Variants in ARHGAP21 observed in about 807,000 individuals in gnomAD.
ARHGAP21 encodes the protein rho GTPase-activating protein 21.
In ARHGAP21, 38 loss-of-function variants were observed where a neutral mutation model predicts 164.6. The observed-to-expected ratio is 0.23, with a 90% CI of 0.18 to 0.30. The LOEUF is 0.30. ARHGAP21 is among the 10% of genes least tolerant of loss of function. The probability of loss-of-function intolerance (pLI) is 1.00; values close to 1 mark genes in which losing one functional copy is unlikely to be tolerated. For synonymous variants in ARHGAP21, 766 were observed against 857.9 expected (o/e 0.89, Z 1.87); for missense variants, 1,822 against 2,370.7 (o/e 0.77, Z 4.81).
rs1479057569 is a variant in ARHGAP21 at position 24,689,800 on chromosome 10, G to GTA, written c.64-19405_64-19404dup. ...TGTGTGTGTATATATATGTATATAT[G>GTA]TATATGTATGTGTATATATATGTAT... On this transcript the variant is annotated intron_variant, in intron 2 of 25. Coordinates refer to ENST00000396432, the MANE Select transcript of ARHGAP21 (RefSeq NM_020824.4). Among the ~76,000 whole-genome samples, 9 of 149,518 alleles carry GTA rather than the reference G, an allele frequency of 6.0e-5. No individual in the cohort carries two copies. The East Asian group carries it at 1.8e-3, about 29-fold the overall frequency.
At chr10:24,702,127 C>CTTTTTTTTTTTTTTTT (rs71798625) in intron 2 of ARHGAP21, among the ~76,000 whole-genome samples, 1 of 104,630 alleles carries the variant, frequency 9.6e-6, no homozygotes, top group African/African-American at 3.6e-5. Context: ...ACTTCCGGTT[C>CTTTTTTTTTTTTTTTT]TTTTTTTTTT....
rs1383523555 is a variant in ARHGAP21, at chr10:24,600,971, C to T, written c.2848-41G>A. On this transcript the variant is annotated intron_variant, in intron 13 of 25. Coordinates refer to ENST00000396432, the MANE Select transcript of ARHGAP21 (RefSeq NM_020824.4). ...CAGTTCTTTAATAGTCAATATTTGG[C>T]TAAATCTTTGTGACAGGATAAGCAC... The T allele has an allele frequency of 6.9e-6, 11 of 1,586,972 alleles. No individual in the cohort carries two copies. The African/African-American group carries it at 8.1e-5, about 12-fold the overall frequency.
intron 16 of ARHGAP21, among the ~76,000 whole-genome samples, 172 bp from the exon 17 acceptor site, chr10:24,597,054 C>T (rs1229478885): frequency 2.0e-5 from 3 of 148,152 alleles, no homozygotes; most frequent in Non-Finnish European, 4.5e-5. Context: ...TTACTTCATT[C>T]TTTTATAATG....
chr10:24,618,231 T>C (rs1375284242), intron 9 of ARHGAP21, among the ~76,000 whole-genome samples: 1 of 152,206 alleles, frequency 6.6e-6, no homozygotes, highest in African/African-American at 2.4e-5. Flanking sequence ...CATTTCAAAA[T>C]TGTCTTTCAG....
At chr10:24,625,969 G>C (rs1340639953) in intron 7 of ARHGAP21, among the ~76,000 whole-genome samples, 1 of 152,130 alleles carries the variant, frequency 6.6e-6, no homozygotes, top group African/African-American at 2.4e-5. Flanking sequence ...CTGTGGTTTA[G>C]AGTACAGGCT....
chr10:24,696,324 G>C (rs1286916945), intron 2 of ARHGAP21, among the ~76,000 whole-genome samples: 1 of 152,202 alleles, frequency 6.6e-6, no homozygotes, highest in Non-Finnish European at 1.5e-5. Context: ...AGAATCTGCA[G>C]GGGGTCCTCC....
chr10:24,597,318 C>A (rs1289345696), intron 16 of ARHGAP21, 129 bp downstream of exon 16: 21 of 1,237,344 alleles, frequency 1.7e-5, no homozygotes, highest in Non-Finnish European at 2.2e-5. Context: ...CCAGACCAAG[C>A]CTACTATGAA....
chr10:24,682,607 C>T (rs1040702435), intron 2 of ARHGAP21, among the ~76,000 whole-genome samples: 1 of 151,960 alleles, frequency 6.6e-6, no homozygotes, highest in African/African-American at 2.4e-5. Context: ...AGAAAAGACT[C>T]TTGAATACAG....
intron 9 of ARHGAP21, among the ~76,000 whole-genome samples, chr10:24,617,002 C>A (rs1177098476): frequency 6.6e-6 from 1 of 152,122 alleles, no homozygotes; most frequent in African/African-American, 2.4e-5. Context: ...GTCCTCAACT[C>A]CTGCGCTGCA....
At chr10:24,676,743 C>T (rs1841290508) in intron 2 of ARHGAP21, among the ~76,000 whole-genome samples, 1 of 152,202 alleles carries the variant, frequency 6.6e-6, no homozygotes, top group Non-Finnish European at 1.5e-5. Flanking sequence ...CAGGCACTAA[C>T]TCTGGCTCTG....
At chr10:24,591,566 T>C (rs373910392) in intron 23 of ARHGAP21, 76 bp downstream of exon 23, 1 of 1,550,500 alleles carries the variant, frequency 6.4e-7, no homozygotes, top group South Asian at 1.1e-5. Context: ...AAGCAGGAAG[T>C]TGACATTGTT....
intron 17 of ARHGAP21, chr10:24,596,344 A>T (rs2076579441): frequency 4.6e-6 from 2 of 433,094 alleles, no homozygotes; most frequent in African/African-American, 4.1e-5. Flanking sequence ...GAGTCAAGAA[A>T]AGAGGAGGAG....
At chr10:24,657,136 CT>C (rs1192896531) in intron 4 of ARHGAP21, among the ~76,000 whole-genome samples, 5 of 35,280 alleles carry the variant, frequency 1.4e-4, no homozygotes, top group African/African-American at 4.4e-4. Flanking sequence ...GTCAGCCCCC[CT>C]GCCCGGCCAG....
intron 13 of ARHGAP21, 84 bp downstream of exon 13, chr10:24,601,894 T>C (rs1374158471): frequency 7.6e-7 from 1 of 1,313,776 alleles, no homozygotes; most frequent in Non-Finnish European, 9.9e-7. Flanking sequence ...CTGGATATCA[T>C]GCCATTTTAT....
At chr10:24,691,881 C>A (rs1221417846) in intron 2 of ARHGAP21, among the ~76,000 whole-genome samples, 1 of 152,134 alleles carries the variant, frequency 6.6e-6, no homozygotes, top group Non-Finnish European at 1.5e-5. Context: ...AGCATAAATA[C>A]ATAAGATGTA....
intron 2 of ARHGAP21, among the ~76,000 whole-genome samples, chr10:24,682,861 C>T (rs1282055767): frequency 1.3e-5 from 2 of 151,608 alleles, no homozygotes; most frequent in Non-Finnish European, 1.5e-5. Context: ...ACTTTGAGGC[C>T]GAGGCAGGCG....
intron 7 of ARHGAP21, chr10:24,629,709 G>GA (rs1282611096): frequency 5.0e-6 from 2 of 400,072 alleles, no homozygotes; most frequent in Middle Eastern, 3.5e-4. Flanking sequence ...GTCCAAGGAT[G>GA]AACTAGAAGG....
In ARHGAP21 at chr10:24,670,254, A is replaced by G; in HGVS notation, c.207T>C (p.Val69=). The G allele has an allele frequency of 6.2e-7, 1 of 1,602,932 alleles. No homozygotes were observed. The highest frequency in any genetic ancestry group is 8.5e-7 in the Non-Finnish European group (1 of 1,174,656). ...GFGFTLRHFI[V]YPPESAIQFS... ...ATTGAATTGCAGACTCTGGGGGATAAACAATAAAATGTCTTAATGTAAAAC... is the reference window on the plus strand; with the variant it reads ...ATTGAATTGCAGACTCTGGGGGATAGACAATAAAATGTCTTAATGTAAAAC... Residue 69 remains valine (V), a synonymous_variant, in exon 3 of 26, where the codon GTT becomes GTC. Transcript: ENST00000396432.
At chr10:24,682,204 G>A (rs1162548317) in intron 2 of ARHGAP21, among the ~76,000 whole-genome samples, 1 of 151,312 alleles carries the variant, frequency 6.6e-6, no homozygotes, top group East Asian at 1.9e-4. Context: ...TGGGAAAACA[G>A]TATATAAAAT....
Sources: allele counts gnomAD v4.1 joint callset (sites outside exome capture counted in the v4.1 genomes callset), GRCh38; gene constraint gnomAD v4.1.1; transcripts MANE v1.5; gene names NCBI Gene and HGNC (gene_info 2026-07-23, HGNC 2026-07-21).